Variants in ARHGEF1 observed in about 807,000 individuals in gnomAD.
ARHGEF1 encodes 115 kDa guanine nucleotide exchange factor.
A neutral mutation model predicts 119.7 loss-of-function variants in ARHGEF1; 40 were observed. The ratio of observed to expected loss-of-function variants is 0.33; its 90% CI spans 0.26 to 0.44. The LOEUF is 0.44. Ranked by LOEUF, ARHGEF1 falls within the 20% of genes least tolerant of loss-of-function variation. The probability of loss-of-function intolerance (pLI) is 1.00; values close to 1 mark genes in which losing one functional copy is unlikely to be tolerated. For missense variants in ARHGEF1, 976 were observed against 1,268.3 expected (o/e 0.77, Z 3.50); for synonymous variants, 494 against 521.0 (o/e 0.95, Z 0.71).
intron 1 of ARHGEF1, chr19:41,927,979 C>T (rs907000031): frequency 2.0e-5 from 3 of 151,698 alleles, no homozygotes; most frequent in South Asian, 2.1e-4. Flanking sequence ...CGCCCGCCCC[C>T]TCCTGGGGCG....
chr19:41,903,465 A>G lies in ARHGEF1; in HGVS notation c.1839+58A>G. 2 of 1,520,128 alleles carry G rather than the reference A, an allele frequency of 1.3e-6. No homozygotes were observed. Among genetic ancestry groups the G allele is most frequent in the Non-Finnish European group, 1.8e-6 (2 of 1,101,338 alleles). The allele number at this position is 1,520,128 out of a possible 1,614,324, so 94.2% of individuals were successfully genotyped here. On this transcript the variant is annotated intron_variant, in intron 19 of 28. Transcript: ENST00000354532. This position sits in a 1 kb window ranked among gnomAD's most constrained non-coding sequence, Gnocchi z 4.2. ...TGGATGGTGTGAGAGCAGGGGGTGG[A>G]CCCTACCTCAGCCTGTCCAGAAGTC... is the stretch of plus-strand genomic sequence containing the variant.
chr19:41,906,533 C>T lies in ARHGEF1; in HGVS notation c.2568C>T (p.Val856=). The part of the protein sequence containing the change: ...GAGPPRDGDG[V]PGGGPLSPAR... ...GGCCTCCTCGAGATGGGGATGGGGT[C>T]CCAGGGGGCGGCCCCCTGAGCCCAG... The change falls in exon 27 of 29, where the codon GTC becomes GTT. Residue 856 remains valine (V), a synonymous_variant. Transcript: ENST00000354532. This position sits in a 1 kb window ranked among gnomAD's most constrained non-coding sequence, Gnocchi z 4.5. The T allele has an allele frequency of 6.3e-7, 1 of 1,582,360 alleles. No homozygotes were observed. The highest frequency in any genetic ancestry group is 8.5e-7 in the Non-Finnish European group (1 of 1,172,054).
chr19:41,906,753 G>A lies in ARHGEF1; in HGVS notation c.2706G>A (p.Gly902=). The change falls in exon 28 of 29, where the codon GGG becomes GGA. Residue 902 remains glycine, a synonymous_variant. Coordinates refer to ENST00000354532, the MANE Select transcript of ARHGEF1 (RefSeq NM_004706.4). The surrounding 1 kb of genome is among the most constrained non-coding windows in gnomAD (Gnocchi z 4.5). ...CRLRPLLSQL[G]GNSVPQPGCT Reference sequence around the variant, plus strand: ...TGAGACCCCTCCTGTCTCAGCTTGGGGGGAACTCTGTCCCCCAGCCTGGCT... The same window carrying A: ...TGAGACCCCTCCTGTCTCAGCTTGGAGGGAACTCTGTCCCCCAGCCTGGCT... 1 of 1,611,556 alleles carries A rather than the reference G, an allele frequency of 6.2e-7. No homozygotes were observed. Among genetic ancestry groups the A allele is most frequent in the Non-Finnish European group, 8.5e-7 (1 of 1,179,042 alleles).
chr19:41,905,852 A>T lies in ARHGEF1; in HGVS notation c.2404+25A>T. The stretch of plus-strand genomic sequence containing the variant: ...GGTGAGACCAGAGGGATGCTGGGTG[A>T]GGGGCCAGGTTGGGGCTGCCGGGTG... On this transcript the variant is annotated intron_variant, in intron 25 of 28. Transcript: ENST00000354532. This position sits in a 1 kb window ranked among gnomAD's most constrained non-coding sequence, Gnocchi z 6.4. The T allele has an allele frequency of 6.2e-7, 1 of 1,614,000 alleles. No homozygotes were observed. Among genetic ancestry groups the T allele is most frequent in the East Asian group, 2.2e-5 (1 of 44,878 alleles).
At chr19:41,886,298 G>A (rs1306268927) in intron 1 of ARHGEF1, among the ~76,000 whole-genome samples, 16 of 152,228 alleles carry the variant, frequency 1.1e-4, no homozygotes, top group African/African-American at 3.1e-4. Flanking sequence ...GGAATAAGGA[G>A]ATAAGAACTT....
Position 41,907,355 on chromosome 19 carries a change from G to A in ARHGEF1, c.*268G>A, listed in dbSNP as rs782458986. 1.3e-6 allele frequency: 2 copies of A among 1,535,004 alleles called. No individual in the cohort carries two copies. The highest frequency in any genetic ancestry group is 2.4e-5 in the South Asian group (2 of 83,932). ...GACCCGGGCCATCTCAGTATTGCCT[G>A]TGGGGGCCACCCCTCCACCCCCACC... On this transcript the variant is annotated 3_prime_UTR_variant, in exon 29 of 29. Transcript: ENST00000354532.
At chr19:41,913,668 C>T (rs2074768040) in intron 18 of ARHGEF1, among the ~76,000 whole-genome samples, 1 of 151,598 alleles carries the variant, frequency 6.6e-6, no homozygotes, top group South Asian at 2.1e-4. Context: ...CCCTTCCCCT[C>T]ACATCTGCCT....
At chr19:41,901,658 G>T (rs1418109239) in intron 14 of ARHGEF1, among the ~76,000 whole-genome samples, 2 of 152,086 alleles carry the variant, frequency 1.3e-5, no homozygotes, top group Non-Finnish European at 2.9e-5. Context: ...TCACCATGTT[G>T]CCCAGGCTGA....
At chr19:41,901,791 C>A (rs1348231262) in intron 14 of ARHGEF1, 96 bp from the exon 15 acceptor site, 21 of 1,446,782 alleles carry the variant, frequency 1.5e-5, no homozygotes, top group Non-Finnish European at 1.8e-5. Flanking sequence ...GGAAGCTTTC[C>A]TCCCTGCTCT....
chr19:41,912,048 G>A (rs1555851308), downstream of ARHGEF1, among the ~76,000 whole-genome samples: 2 of 151,996 alleles, frequency 1.3e-5, no homozygotes, highest in South Asian at 2.1e-4. Flanking sequence ...GCAAGAAACA[G>A]GCAAAGGCTC....
chr19:41,898,079 G>C, intron 13 of ARHGEF1: 1 of 1,355,436 alleles, frequency 7.4e-7, no homozygotes, highest in Non-Finnish European at 9.4e-7. Context: ...CCCCAGTTCC[G>C]CCACGGCAGT....
rs139550350 is a variant in ARHGEF1 at position 41,888,228 on chromosome 19, G to A, written c.61G>A (p.Val21Ile). Residue 21 changes from valine (V) to isoleucine (I), a missense_variant, in exon 3 of 29, where the codon GTC becomes ATC. Physicochemically the swap from Val to Ile is conservative, Grantham distance 29. Around this residue, in one of 3 missense-constraint regions of ARHGEF1, gnomAD observed 519 missense variants for 580.9 expected, o/e 0.89. Transcript: ENST00000354532. This position sits in a 1 kb window ranked among gnomAD's most constrained non-coding sequence, Gnocchi z 5.1. Reference protein sequence around the residue: ...PGPSRPGLVPVSIIGAEDEDF... With the variant: ...PGPSRPGLVPISIIGAEDEDF... Reference sequence around the variant, plus strand: ...CCCCTCCCGGCCTGGCCTGGTTCCCGTCAGCATCATCGGGGCTGAGGATGA... The same window carrying A: ...CCCCTCCCGGCCTGGCCTGGTTCCCATCAGCATCATCGGGGCTGAGGATGA... 2.0e-5 allele frequency: 33 copies of A among 1,613,910 alleles called. No individual in the cohort carries two copies. The highest frequency in any genetic ancestry group is 5.5e-5 in the South Asian group (5 of 91,076).
downstream of ARHGEF1, chr19:41,908,018 G>A: frequency 2.4e-6 from 1 of 419,950 alleles, no homozygotes. This position sits in a 1 kb window ranked among gnomAD's most constrained non-coding sequence, Gnocchi z 6.7. Context: ...GCCTGGGGAG[G>A]AGGCCGGAGG....
chr19:41,892,044 A>T lies in ARHGEF1; in HGVS notation c.245A>T (p.Asp82Val). ...CCCCAGCTTTGCTGTCTGCATGCCG[A>T]CATGCTGGGCTCACTGGGCCCCAAG... ...PGPLLCCLHADMLGSLGPKEA... is the reference protein window; with the variant it reads ...PGPLLCCLHAVMLGSLGPKEA... Residue 82 changes from aspartate to valine, a missense_variant, in exon 5 of 29, where the codon GAC (aspartate) becomes GTC (valine). Asp to Val is a radical substitution (Grantham distance 152). Coordinates refer to ENST00000354532, the MANE Select transcript of ARHGEF1 (RefSeq NM_004706.4). This position sits in a 1 kb window ranked among gnomAD's most constrained non-coding sequence, Gnocchi z 6.3. 1 of 1,610,602 alleles carries T rather than the reference A, an allele frequency of 6.2e-7. No homozygotes were observed. Among genetic ancestry groups the T allele is most frequent in the Non-Finnish European group, 8.5e-7 (1 of 1,177,610 alleles).
intron 14 of ARHGEF1, chr19:41,900,829 C>T (rs1356755798): frequency 8.8e-5 from 12 of 135,882 alleles, no homozygotes; most frequent in East Asian, 2.2e-4. Context: ...CTCGCTCTGT[C>T]GCCTAGGCTA....
At position 41,888,641 on chromosome 19, in the gene ARHGEF1, C is replaced by G. The variant is rs889564429; in HGVS notation, c.112-111C>G. ...GGACACTGTCACCACTCCCCACTTC[C>G]CAGGAGCTAACCCTGGCTTGGATCC... is the stretch of plus-strand genomic sequence containing the variant. On this transcript the variant is annotated intron_variant, in intron 3 of 28. Coordinates refer to ENST00000354532, the MANE Select transcript of ARHGEF1 (RefSeq NM_004706.4). This position sits in a 1 kb window ranked among gnomAD's most constrained non-coding sequence, Gnocchi z 5.1. The G allele has an allele frequency of 2.0e-6, 2 of 1,017,424 alleles. No individual in the cohort carries two copies. The highest frequency in any genetic ancestry group is 5.0e-5 in the East Asian group (2 of 39,652). The allele number at this position is 1,017,424 out of a possible 1,614,324, so 63.0% of individuals were successfully genotyped here. A position where few individuals can be genotyped will look rare whatever the true frequency, so the allele number is the denominator to read the frequency against.
intron 8 of ARHGEF1, among the ~76,000 whole-genome samples, chr19:41,893,565 C>A (rs569936515): frequency 5.0e-5 from 1 of 20,144 alleles, no homozygotes; most frequent in Non-Finnish European, 7.6e-5. Flanking sequence ...GTCCTGGACG[C>A]CTGGGTCTGA....
At chr19:41,898,280 G>A in intron 13 of ARHGEF1, 162 bp from the exon 14 acceptor site, 3 of 1,303,256 alleles carry the variant, frequency 2.3e-6, no homozygotes, top group Non-Finnish European at 2.1e-6. Flanking sequence ...TAGAGATCTG[G>A]GAACTCTAGT....
At position 41,894,480 on chromosome 19, in the gene ARHGEF1, T is replaced by A. The variant is rs1280388695; in HGVS notation, c.774T>A (p.Pro258=). ...TGGGGAACCGGCGGTCGGACGAGCC[T>A]GCCAAGACCAAGAAGGGGCTGAGCA... ...KVMGNRRSDE[P]AKTKKGLSSI... Residue 258 remains proline, a synonymous_variant, in exon 10 of 29, where the codon CCT becomes CCA. Transcript: ENST00000354532. 3 of 1,583,414 alleles carry A rather than the reference T, an allele frequency of 1.9e-6. No homozygotes were observed. The African/African-American group carries it at 4.0e-5, about 21-fold the overall frequency.
Sources: gnomAD v4.1 joint callset for allele counts (sites outside exome capture counted in the v4.1 genomes callset) on GRCh38, gnomAD v4.1.1 for gene constraint, gnomAD v4.1.1 regional missense constraint, Gnocchi (gnomAD v3.1) non-coding constraint, MANE v1.5 for transcripts, NCBI Gene and HGNC (gene_info 2026-07-23, HGNC 2026-07-21) for gene names.